ANKRD10: variants seen among roughly 807,000 people sequenced by gnomAD.
ANKRD10 encodes ankyrin repeat domain 10.
A neutral mutation model predicts 27.0 loss-of-function variants in ANKRD10; 14 were observed. That is an observed-to-expected ratio of 0.52 (90% CI 0.34 to 0.81). ANKRD10 has a LOEUF of 0.81. ANKRD10 is among the 40% of genes least tolerant of loss of function. The pLI is 0.01. For synonymous variants in ANKRD10, 250 were observed against 224.5 expected (o/e 1.11, Z -1.01); for missense variants, 493 against 544.0 (o/e 0.91, Z 0.93).
intron 3 of ANKRD10, chr13:110,904,379 C>T (rs961267474): frequency 6.6e-6 from 1 of 151,350 alleles, no homozygotes; most frequent in Non-Finnish European, 1.5e-5. Context: ...AAAAGATTCT[C>T]ATTTTTTAAA....
At chr13:110,902,022 G>GT (rs1566480750) in intron 3 of ANKRD10, among the ~76,000 whole-genome samples, 5 of 127,734 alleles carry the variant, frequency 3.9e-5, no homozygotes, top group Non-Finnish European at 7.9e-5. Context: ...TAGCCTGGAC[G>GT]ACAAAGGGAG....
intron 5 of ANKRD10, 70 bp downstream of exon 5, chr13:110,883,628 C>T: frequency 6.3e-7 from 1 of 1,593,698 alleles, no homozygotes; most frequent in Non-Finnish European, 8.6e-7. Context: ...AACAGAACCA[C>T]TCTCCTGCTG....
At chr13:110,910,867 C>T in intron 1 of ANKRD10, 97 bp from the exon 2 acceptor site, 1 of 1,260,620 alleles carries the variant, frequency 7.9e-7, no homozygotes, top group Non-Finnish European at 1.1e-6. Flanking sequence ...TGACAAATGG[C>T]ATTGTTACCA....
intron 1 of ANKRD10, chr13:110,914,384 GC>G (rs1594657513): frequency 5.4e-6 from 1 of 184,838 alleles, no homozygotes; most frequent in East Asian, 1.3e-4. Flanking sequence ...ATCCGCGCGC[GC>G]GCGCGCTCGC....
intron 4 of ANKRD10, among the ~76,000 whole-genome samples, chr13:110,884,433 C>A (rs868190643): frequency 5.3e-5 from 8 of 152,212 alleles, no homozygotes; most frequent in African/African-American, 1.7e-4. Context: ...ACCCACGCTG[C>A]ACAAGCACCT....
In ANKRD10 at chr13:110,914,614, C is replaced by A. The variant is rs1314231869; in HGVS notation, c.210+111G>T. The A allele has an allele frequency of 6.3e-6, 9 of 1,423,630 alleles. No individual in the cohort carries two copies. The African/African-American group carries it at 1.2e-4, about 19-fold the overall frequency. The allele number at this position is 1,423,630 out of a possible 1,614,324, so 88.2% of individuals were successfully genotyped here. ...CGGGGCACAGGCGCCGTCGATCCCG[C>A]TTCCGCCCCGCGATCCCGGCACGCC... On this transcript the variant is annotated intron_variant, in intron 1 of 5. Transcript: ENST00000267339.
chr13:110,896,244 A>G lies in ANKRD10; in HGVS notation c.456-2981T>C, dbSNP rs143742062. Among the ~76,000 whole-genome samples, 533 of 152,364 alleles carry G rather than the reference A, an allele frequency of 3.5e-3. 3 individuals carry two copies. Among genetic ancestry groups the G allele is most frequent in the African/African-American group, 0.012 (512 of 41,586 alleles). ...GCTCTACATTTAAGTGGCACTATCT[A>G]TGCAGCATTATCGGAAACAGAAATA... On this transcript the variant is annotated intron_variant, in intron 3 of 5. Coordinates refer to ENST00000267339, the MANE Select transcript of ANKRD10 (RefSeq NM_017664.4).
At chr13:110,894,402 G>GAAAAAAAAA in intron 3 of ANKRD10, 2 of 11,456 alleles carry the variant, frequency 1.7e-4, no homozygotes, top group Non-Finnish European at 3.6e-4. Flanking sequence ...TACTGTTAAT[G>GAAAAAAAAA]CAAAAAAAAA....
intron 3 of ANKRD10, chr13:110,899,076 T>G (rs572867424): frequency 3.9e-5 from 6 of 152,072 alleles, no homozygotes; most frequent in Non-Finnish European, 8.8e-5. Flanking sequence ...GTATTTTTTA[T>G]AGAGACCGGA....
rs2064781701 is a variant in ANKRD10 at position 110,880,025 on chromosome 13, A to T, written c.875T>A (p.Leu292His). Residue 292 changes from leucine (L) to histidine (H), a missense_variant, in exon 6 of 6, where the codon CTC (leucine) becomes CAC (histidine). Leu to His is a moderately conservative substitution (Grantham distance 99). Transcript: ENST00000267339. ...GHLDFPSTTPLSGMESRNGQC... is the reference protein window; with the variant it reads ...GHLDFPSTTPHSGMESRNGQC... Reference sequence around the variant, plus strand: ...GCCATTCCTGCTTTCCATCCCACTGAGCGGGGTCGTGGAGGGGAAGTCCAA... The same window carrying T: ...GCCATTCCTGCTTTCCATCCCACTGTGCGGGGTCGTGGAGGGGAAGTCCAA... The T allele has an allele frequency of 1.9e-6, 3 of 1,614,032 alleles. No homozygotes were observed. Among genetic ancestry groups the T allele is most frequent in the Admixed American group, 1.7e-5 (1 of 60,006 alleles).
chr13:110,899,359 T>G (rs2065320189), intron 3 of ANKRD10, among the ~76,000 whole-genome samples: 1 of 152,238 alleles, frequency 6.6e-6, no homozygotes, highest in Admixed American at 6.5e-5. Context: ...CCCAGTTTGA[T>G]GCACCTGGAT....
In ANKRD10 at chr13:110,886,837, TAA is replaced by T. The variant is rs534775980; in HGVS notation, c.692-3046_692-3045del. On this transcript the variant is annotated intron_variant, in intron 4 of 5. Coordinates refer to ENST00000267339, the MANE Select transcript of ANKRD10 (RefSeq NM_017664.4). ...ACTTTCCTATCTTAATATTGATTCT[TAA>T]AGTTACACAATGATTGAATGCTTCT... 1.2e-4 allele frequency among the ~76,000 whole-genome samples: 18 copies of T among 152,336 alleles called. No individual in the cohort carries two copies. In the South Asian group the frequency reaches 3.7e-3, roughly 32 times the overall value.
At position 110,892,887 on chromosome 13, in the gene ANKRD10, C is replaced by G. The variant is rs2065120007; in HGVS notation, c.691+141G>C. The G allele has an allele frequency of 2.8e-6, 4 of 1,442,950 alleles. No homozygotes were observed. The Admixed American group carries it at 1.1e-4, about 40-fold the overall frequency. 89.4% of individuals were successfully genotyped at this position (1,442,950 alleles called of 1,614,324 possible). A position where few individuals can be genotyped will look rare whatever the true frequency, so the allele number is the denominator to read the frequency against. On this transcript the variant is annotated intron_variant, in intron 4 of 5. Coordinates refer to ENST00000267339, the MANE Select transcript of ANKRD10 (RefSeq NM_017664.4). ...CGCAGTGGCAGTACAGGAGAAATCT[C>G]CACCGTCACCGCACAATCCACCAGG...
chr13:110,911,922 T>C (rs534460966), intron 1 of ANKRD10, among the ~76,000 whole-genome samples: 3 of 152,312 alleles, frequency 2.0e-5, no homozygotes, highest in African/African-American at 7.2e-5. Flanking sequence ...GAATAATCAA[T>C]AGAGGCCCCA....
intron 2 of ANKRD10, among the ~76,000 whole-genome samples, chr13:110,907,079 C>CTTTTTTTTTT (rs1158701462): frequency 0.048 from 12 of 250 alleles, 6 homozygotes; most frequent in African/African-American, 0.052. Context: ...AGCAACACTT[C>CTTTTTTTTTT]TTTTTTTTTT....
At chr13:110,900,770 A>G in intron 3 of ANKRD10, 1 of 1,006,428 alleles carries the variant, frequency 9.9e-7, no homozygotes, top group Non-Finnish European at 1.4e-6. Flanking sequence ...ATGGTTCATA[A>G]TACAGGAAAC....
At chr13:110,900,361 A>AT (rs1392829047) in intron 3 of ANKRD10, among the ~76,000 whole-genome samples, 1 of 152,214 alleles carries the variant, frequency 6.6e-6, no homozygotes, top group Non-Finnish European at 1.5e-5. Flanking sequence ...AAAGATAACA[A>AT]TTTTTATATA....
At chr13:110,894,427 A>AAAAAAAAAAAC (rs398024414) in intron 3 of ANKRD10, 2 of 252,298 alleles carry the variant, frequency 7.9e-6, no homozygotes, top group East Asian at 6.9e-5. Flanking sequence ...AAAAAAAAAA[A>AAAAAAAAAAAC]CCCCGCATTT....
intron 5 of ANKRD10, 123 bp downstream of exon 5, chr13:110,883,575 T>A (rs574528167): frequency 2.1e-6 from 3 of 1,438,160 alleles, no homozygotes; most frequent in East Asian, 5.0e-5. Flanking sequence ...CGACAGGGGG[T>A]CTGCATTGCT....
Sources: allele counts gnomAD v4.1 joint callset (sites outside exome capture counted in the v4.1 genomes callset), GRCh38; gene constraint gnomAD v4.1.1; transcripts MANE v1.5; gene names NCBI Gene and HGNC (gene_info 2026-07-23, HGNC 2026-07-21).